Variants in SIMC1 observed in about 807,000 individuals in gnomAD.
SIMC1 encodes the protein SUMO interacting motifs containing 1, also known as SUMO-interacting motif-containing protein 1.
A neutral mutation model predicts 82.3 loss-of-function variants in SIMC1; 55 were observed. The observed-to-expected ratio is 0.67, with a 90% CI of 0.54 to 0.84. The LOEUF (loss-of-function observed/expected upper bound fraction) is 0.84, where lower values mean the gene tolerates loss of function less well. Among genes scored for constraint, SIMC1 ranks in the 40% least tolerant of loss-of-function variants. The pLI, the probability that SIMC1 is intolerant of heterozygous loss-of-function variation, is 0.00. For synonymous variants in SIMC1, 353 were observed against 426.3 expected (o/e 0.83, Z 2.12); for missense variants, 915 against 1,107.2 (o/e 0.83, Z 2.46).
intron 1 of SIMC1, among the ~76,000 whole-genome samples, chr5:176,272,195 A>AG (rs1435223950): frequency 6.9e-6 from 1 of 144,408 alleles, no homozygotes; most frequent in Non-Finnish European, 1.5e-5. Context: ...AAAAAAAAAA[A>AG]AAAGGTGGGC....
intron 1 of SIMC1, among the ~76,000 whole-genome samples, chr5:176,257,481 C>T (rs1715292020): frequency 6.6e-6 from 1 of 152,122 alleles, no homozygotes; most frequent in South Asian, 2.1e-4. Flanking sequence ...GGAGCTGGCA[C>T]ATCACATGGA....
Position 176,289,701 on chromosome 5 carries a change from C to T in SIMC1, c.177C>T (p.Arg59=), listed in dbSNP as rs148359290. Residue 59 remains arginine (R), a synonymous_variant, in exon 2 of 10, where the codon CGC becomes CGT. Transcript: ENST00000429602. ...AGACCAGACCAAGGACAAAAGATCG[C>T]AGTGGACTGTATGTGATTGACCTGA... is the stretch of plus-strand genomic sequence containing the variant. ...TRETRPRTKD[R]SGLYVIDLTR... 3.7e-6 allele frequency: 6 copies of T among 1,612,742 alleles called. No homozygotes were observed. The highest frequency in any genetic ancestry group is 1.1e-5 in the South Asian group (1 of 90,784).
chr5:176,325,708 T>C (rs1765365869), intron 7 of SIMC1, among the ~76,000 whole-genome samples: 1 of 151,884 alleles, frequency 6.6e-6, no homozygotes, highest in South Asian at 2.1e-4. Context: ...ATAAATTAAT[T>C]ACTTAATTAA....
chr5:176,311,657 G>A (rs1764669763), intron 4 of SIMC1, among the ~76,000 whole-genome samples: 1 of 151,466 alleles, frequency 6.6e-6, no homozygotes, highest in South Asian at 2.1e-4. Context: ...TTAAAGGAGG[G>A]GAGAAAAAAA....
At chr5:176,316,527 A>C (rs918953416) in intron 5 of SIMC1, among the ~76,000 whole-genome samples, 2 of 151,496 alleles carry the variant, frequency 1.3e-5, no homozygotes, top group South Asian at 2.1e-4. Flanking sequence ...AAAAAAAAAA[A>C]AAACCCAAAA....
At chr5:176,277,036 A>G (rs1464348316) in intron 1 of SIMC1, among the ~76,000 whole-genome samples, 2 of 151,154 alleles carry the variant, frequency 1.3e-5, no homozygotes, top group African/African-American at 2.4e-5. Flanking sequence ...GACTTCCACA[A>G]TGGTTGAACT....
rs375006926 is a variant in SIMC1, at chr5:176,291,003, T to C, written c.1431+48T>C. 2.0e-3 allele frequency: 2,629 copies of C among 1,335,860 alleles called. 2 individuals are homozygous for C. The highest frequency in any genetic ancestry group is 2.5e-3 in the Non-Finnish European group (2,448 of 990,152). 82.8% of individuals were successfully genotyped at this position (1,335,860 alleles called of 1,614,324 possible). A position where few individuals can be genotyped will look rare whatever the true frequency, so the allele number is the denominator to read the frequency against. On this transcript the variant is annotated intron_variant, in intron 2 of 9. Coordinates refer to ENST00000429602, the MANE Select transcript of SIMC1 (RefSeq NM_001308195.2). Reference sequence around the variant, plus strand: ...GGATTAGGTGTCCTTTCCCTAGGCCTAGGAGAAGGTCAGTGTGACTGGAGT... The same window carrying C: ...GGATTAGGTGTCCTTTCCCTAGGCCCAGGAGAAGGTCAGTGTGACTGGAGT...
intron 7 of SIMC1, among the ~76,000 whole-genome samples, chr5:176,333,480 G>C (rs1312520071): frequency 6.6e-6 from 1 of 151,704 alleles, no homozygotes; most frequent in African/African-American, 2.4e-5. Context: ...CCAGACTGGA[G>C]TCCAGTGGTG....
intron 2 of SIMC1, among the ~76,000 whole-genome samples, chr5:176,291,568 C>T (rs1259445169): frequency 6.6e-6 from 1 of 151,902 alleles, no homozygotes; most frequent in Non-Finnish European, 1.5e-5. Context: ...GATCTCCTGA[C>T]CTCGTGATCC....
chr5:176,320,879 G>A (rs912461151), intron 5 of SIMC1, among the ~76,000 whole-genome samples: 12 of 152,002 alleles, frequency 7.9e-5, no homozygotes, highest in South Asian at 2.1e-4. Flanking sequence ...TGGATTAAAC[G>A]TCATCTTAAA....
chr5:176,340,876 A>T (rs1766109212), intron 9 of SIMC1, among the ~76,000 whole-genome samples: 1 of 152,178 alleles, frequency 6.6e-6, no homozygotes, highest in Non-Finnish European at 1.5e-5. Context: ...GCGGGGCGCA[A>T]GGGCTCACCC....
At chr5:176,299,852 T>C (rs1000602431) in intron 4 of SIMC1, among the ~76,000 whole-genome samples, 1 of 152,200 alleles carries the variant, frequency 6.6e-6, no homozygotes, top group Admixed American at 6.5e-5. Context: ...CGTGGAATTT[T>C]CTCCAGATAG....
At chr5:176,309,260 A>G (rs1370918063) in intron 4 of SIMC1, among the ~76,000 whole-genome samples, 1 of 152,248 alleles carries the variant, frequency 6.6e-6, no homozygotes, top group Non-Finnish European at 1.5e-5. Context: ...TGCAAAAGCA[A>G]TTCAATGGAG....
At chr5:176,289,481 A>G (rs181015829) in intron 1 of SIMC1, among the ~76,000 whole-genome samples, 173 bp from the exon 2 acceptor site, 1 of 152,264 alleles carries the variant, frequency 6.6e-6, no homozygotes, top group East Asian at 1.9e-4. Flanking sequence ...TTAAGAAGGT[A>G]TAGAAATTGA....
At chr5:176,287,526 T>C (rs1763345313) in intron 1 of SIMC1, among the ~76,000 whole-genome samples, 1 of 152,152 alleles carries the variant, frequency 6.6e-6, no homozygotes, top group Non-Finnish European at 1.5e-5. Context: ...ATATATCTAA[T>C]GTAAATGACG....
At chr5:176,313,330 A>G (rs1581299211) in intron 4 of SIMC1, 4 of 1,476,888 alleles carry the variant, frequency 2.7e-6, no homozygotes, top group East Asian at 2.5e-5. Context: ...TTGACTTCCC[A>G]TGGCTGCCTC....
At chr5:176,316,516 A>G (rs79699115) in intron 5 of SIMC1, among the ~76,000 whole-genome samples, 1 of 147,830 alleles carries the variant, frequency 6.8e-6, no homozygotes, top group African/African-American at 2.5e-5. Context: ...AAAAATACAA[A>G]AAAAAAAAAA....
intron 4 of SIMC1, among the ~76,000 whole-genome samples, chr5:176,305,080 G>A (rs868337207): frequency 8.9e-3 from 1,088 of 121,962 alleles, no homozygotes; most frequent in South Asian, 0.018. Context: ...CAGCCACCCC[G>A]TCCGGGAGGG....
In SIMC1 at chr5:176,308,515, G is replaced by T. The variant is rs61737503; in HGVS notation, c.1735-5176G>T. The T allele has an allele frequency of 4.6e-4, 746 of 1,606,014 alleles. 4 individuals are homozygous for T. The African/African-American group carries it at 8.7e-3, about 19-fold the overall frequency. ...CAGATGATGGATCAAGGCTTTGTAG[G>T]ACTTATTTTTTCCTGTTTCATAGAA... is the stretch of plus-strand genomic sequence containing the variant. On this transcript the variant is annotated intron_variant, in intron 4 of 9. Transcript: ENST00000429602.
Sources: gnomAD v4.1 joint callset for allele counts (sites outside exome capture counted in the v4.1 genomes callset) on GRCh38, gnomAD v4.1.1 for gene constraint, MANE v1.5 for transcripts, NCBI Gene and HGNC (gene_info 2026-07-23, HGNC 2026-07-21) for gene names.